Variants in SDK1 observed in about 807,000 individuals in gnomAD.
SDK1 encodes sidekick cell adhesion molecule 1, also known as protein sidekick-1.
SDK1 carries 157 observed loss-of-function variants against 245.5 expected under a neutral mutation model. The observed-to-expected ratio is 0.64, with a 90% CI of 0.56 to 0.73. The LOEUF (loss-of-function observed/expected upper bound fraction) is 0.73. SDK1 is among the 30% of genes least tolerant of loss of function. SDK1 has a pLI of 0.00. For synonymous variants in SDK1, 1,647 were observed against 1,278.5 expected (o/e 1.29, Z -6.15); for missense variants, 3,583 against 3,002.3 (o/e 1.19, Z -4.52).
At chr7:3,384,826 A>G (rs1781570940) in intron 1 of SDK1, among the ~76,000 whole-genome samples, 1 of 152,232 alleles carries the variant, frequency 6.6e-6, no homozygotes, top group African/African-American at 2.4e-5. Flanking sequence ...ACATATATGT[A>G]TGCTTGTATT....
intron 30 of SDK1, among the ~76,000 whole-genome samples, chr7:4,150,699 T>C (rs2128208488): frequency 6.6e-6 from 1 of 152,348 alleles, no homozygotes; most frequent in South Asian, 2.1e-4. Flanking sequence ...AACACCACCC[T>C]GGCCCCACTC....
chr7:3,718,791 T>G (rs1157072284), intron 4 of SDK1, among the ~76,000 whole-genome samples: 1 of 151,264 alleles, frequency 6.6e-6, no homozygotes, highest in Non-Finnish European at 1.5e-5. Context: ...TACAATAAGG[T>G]AGGAAAAAAA....
At chr7:3,409,028 T>A (rs1051011859) in intron 1 of SDK1, among the ~76,000 whole-genome samples, 1 of 152,210 alleles carries the variant, frequency 6.6e-6, no homozygotes, top group African/African-American at 2.4e-5. Context: ...CTTGTCAGGC[T>A]GCTAAAATGA....
chr7:3,693,294 C>T (rs777497448), intron 4 of SDK1, among the ~76,000 whole-genome samples: 7 of 151,974 alleles, frequency 4.6e-5, no homozygotes, highest in Admixed American at 1.3e-4. Flanking sequence ...ATAAAAATGT[C>T]GTAATATTCA....
chr7:3,582,850 C>G (rs1780552131), intron 1 of SDK1, among the ~76,000 whole-genome samples: 2 of 152,140 alleles, frequency 1.3e-5, no homozygotes, highest in African/African-American at 4.8e-5. Context: ...CTGCTGTTTT[C>G]CAACTCAGAG....
chr7:3,521,726 T>C (rs1476131782), intron 1 of SDK1, among the ~76,000 whole-genome samples: 1 of 152,086 alleles, frequency 6.6e-6, no homozygotes, highest in African/African-American at 2.4e-5. Flanking sequence ...ACAAATAGGA[T>C]GTAGGATTGG....
intron 1 of SDK1, among the ~76,000 whole-genome samples, chr7:3,549,436 A>G (rs758835330): frequency 3.3e-5 from 5 of 152,134 alleles, no homozygotes; most frequent in Admixed American, 6.5e-5. Flanking sequence ...TTAACTTAAA[A>G]ATTTTAATAT....
chr7:4,029,306 G>C (rs753136199), intron 17 of SDK1, among the ~76,000 whole-genome samples: 18 of 146,114 alleles, frequency 1.2e-4, no homozygotes, highest in African/African-American at 4.8e-4. Flanking sequence ...CCACTTCTTG[G>C]GTAAAGCAAT....
chr7:3,547,505 T>C (rs937399208), intron 1 of SDK1, among the ~76,000 whole-genome samples: 3 of 152,192 alleles, frequency 2.0e-5, no homozygotes, highest in Non-Finnish European at 4.4e-5. Flanking sequence ...TTTTATTATG[T>C]ATTATTTTTC....
chr7:3,440,347 A>G (rs184389442), intron 1 of SDK1, among the ~76,000 whole-genome samples: 4 of 152,312 alleles, frequency 2.6e-5, no homozygotes, highest in Middle Eastern at 3.4e-3. Context: ...TGGTTGGTGC[A>G]GGCTATACAG....
At chr7:3,612,386 T>A (rs1781621088) in intron 1 of SDK1, among the ~76,000 whole-genome samples, 1 of 152,228 alleles carries the variant, frequency 6.6e-6, no homozygotes. Flanking sequence ...TCATAATTGT[T>A]GTCCTTAAAA....
At chr7:3,868,005 C>T (rs1780863564) in intron 5 of SDK1, among the ~76,000 whole-genome samples, 1 of 152,010 alleles carries the variant, frequency 6.6e-6, no homozygotes, top group South Asian at 2.1e-4. Context: ...TCGGAAAAAC[C>T]CTATTTCATA....
chr7:4,132,050 A>G (rs1784863415), intron 27 of SDK1, among the ~76,000 whole-genome samples: 1 of 152,078 alleles, frequency 6.6e-6, no homozygotes, highest in Non-Finnish European at 1.5e-5. Context: ...TTACACTCAC[A>G]CTATTCCTGG....
intron 4 of SDK1, among the ~76,000 whole-genome samples, chr7:3,801,784 G>A (rs886755238): frequency 3.9e-5 from 6 of 152,144 alleles, no homozygotes; most frequent in Admixed American, 3.9e-4. Flanking sequence ...CAGGGCCTTT[G>A]CACTTGGAGC....
intron 4 of SDK1, among the ~76,000 whole-genome samples, chr7:3,723,973 G>T (rs1311207443): frequency 1.4e-5 from 2 of 147,238 alleles, no homozygotes; most frequent in Non-Finnish European, 3.0e-5. Context: ...GAGAGAGAGA[G>T]AGAGAAAGAG....
chr7:3,882,265 C>G (rs1268961710), intron 5 of SDK1, among the ~76,000 whole-genome samples: 1 of 152,112 alleles, frequency 6.6e-6, no homozygotes, highest in Non-Finnish European at 1.5e-5. Context: ...TGGGTGGGGA[C>G]ACAGCCCAAC....
At chr7:4,111,244 T>C (rs1026416078) in intron 23 of SDK1, among the ~76,000 whole-genome samples, 2 of 152,232 alleles carry the variant, frequency 1.3e-5, no homozygotes, top group Non-Finnish European at 2.9e-5. Flanking sequence ...CTTTAGCTTC[T>C]TGAACCCCGA....
chr7:3,709,466 C>T lies in SDK1; in HGVS notation c.713+67361C>T, dbSNP rs1435820334. 2.0e-5 allele frequency among the ~76,000 whole-genome samples: 3 copies of T among 152,222 alleles called. No homozygotes were observed. The East Asian group carries it at 5.8e-4, about 29-fold the overall frequency. ...AAGGCTTTCTCTGTGGACTGGATTG[C>T]CAGGTTCCCTGGAGGCAGTCCGTCC... On this transcript the variant is annotated intron_variant, in intron 4 of 44. Coordinates refer to ENST00000404826, the MANE Select transcript of SDK1 (RefSeq NM_152744.4).
In SDK1 at chr7:3,919,482, C is replaced by A. The variant is rs1043387601; in HGVS notation, c.848-31441C>A. Reference sequence around the variant, plus strand: ...CAATTGGAGGGGAAGGAGAGGAGGTCAGAGGAACTGGAGTTGCACTCGTAC... The same window carrying A: ...CAATTGGAGGGGAAGGAGAGGAGGTAAGAGGAACTGGAGTTGCACTCGTAC... On this transcript the variant is annotated intron_variant, in intron 5 of 44. Transcript: ENST00000404826. Among the ~76,000 whole-genome samples the A allele has an allele frequency of 2.0e-5, 3 of 152,204 alleles. No individual in the cohort carries two copies. In the East Asian group the frequency reaches 5.8e-4, roughly 29 times the overall value.
Sources: allele counts gnomAD v4.1 joint callset (sites outside exome capture counted in the v4.1 genomes callset), GRCh38; gene constraint gnomAD v4.1.1; transcripts MANE v1.5; gene names NCBI Gene and HGNC (gene_info 2026-07-23, HGNC 2026-07-21).